SMYD3: variants seen among roughly 807,000 people sequenced by gnomAD.
SMYD3 encodes the protein histone-lysine N-methyltransferase SMYD3.
In SMYD3, 36 loss-of-function variants were observed where a neutral mutation model predicts 57.7. That is an observed-to-expected ratio of 0.62 (90% CI 0.48 to 0.82). The LOEUF (loss-of-function observed/expected upper bound fraction) is 0.82. SMYD3 is among the 40% of genes least tolerant of loss of function. SMYD3 has a pLI of 0.00. For synonymous variants in SMYD3, 211 were observed against 195.0 expected (o/e 1.08, Z -0.68); for missense variants, 515 against 538.8 (o/e 0.96, Z 0.44).
chr1:245,816,917 T>C (rs1430472480), intron 10 of SMYD3, among the ~76,000 whole-genome samples: 8 of 151,412 alleles, frequency 5.3e-5, no homozygotes, highest in Non-Finnish European at 7.4e-5. Flanking sequence ...GTCTCGCTGA[T>C]TGCCAGCACA....
chr1:245,861,058 G>T (rs1358318093), intron 9 of SMYD3, among the ~76,000 whole-genome samples: 2 of 152,212 alleles, frequency 1.3e-5, no homozygotes, highest in Admixed American at 1.3e-4. Context: ...CCAGCAAGCT[G>T]GAAGGGACTA....
intron 8 of SMYD3, among the ~76,000 whole-genome samples, chr1:245,878,096 T>C (rs575732565): frequency 1.3e-5 from 2 of 152,196 alleles, no homozygotes; most frequent in South Asian, 4.2e-4. Context: ...GTCAATGGAT[T>C]TGAAATCAGG....
At chr1:246,503,653 C>T (rs544674895) in intron 1 of SMYD3, among the ~76,000 whole-genome samples, 56 of 152,210 alleles carry the variant, frequency 3.7e-4, no homozygotes, top group African/African-American at 1.3e-3. Context: ...ATGCATGCAA[C>T]GGCAGAAGGA....
intron 1 of SMYD3, among the ~76,000 whole-genome samples, chr1:246,443,735 C>T (rs534745190): frequency 2.4e-4 from 36 of 152,276 alleles, no homozygotes; most frequent in Non-Finnish European, 3.2e-4. Context: ...TTAATGATGG[C>T]ATGGATATAG....
chr1:246,112,357 T>A (rs2061258240), intron 5 of SMYD3, among the ~76,000 whole-genome samples: 1 of 152,250 alleles, frequency 6.6e-6, no homozygotes, highest in Non-Finnish European at 1.5e-5. Context: ...ATCTGTCAAT[T>A]TTGGAAGAAA....
chr1:245,801,706 A>G (rs1046876833), intron 10 of SMYD3, among the ~76,000 whole-genome samples: 10 of 133,960 alleles, frequency 7.5e-5, no homozygotes, highest in Non-Finnish European at 1.2e-4. Context: ...CACAAAGAAT[A>G]GCAGAATCAG....
intron 5 of SMYD3, chr1:246,034,573 A>G (rs1210641144): frequency 6.6e-6 from 1 of 152,336 alleles, no homozygotes; most frequent in Non-Finnish European, 1.5e-5. Context: ...CTCATATATG[A>G]AGACTCAGAG....
intron 5 of SMYD3, among the ~76,000 whole-genome samples, chr1:246,119,689 A>G (rs1353999816): frequency 6.6e-6 from 1 of 152,094 alleles, no homozygotes; most frequent in Non-Finnish European, 1.5e-5. Context: ...CTGCCATTAC[A>G]GGCATAAGCC....
At chr1:246,132,041 C>A (rs992318966) in intron 5 of SMYD3, among the ~76,000 whole-genome samples, 5 of 152,108 alleles carry the variant, frequency 3.3e-5, no homozygotes, top group African/African-American at 1.2e-4. Flanking sequence ...ATTTTTAGCA[C>A]TATCTCTAAT....
In SMYD3 at chr1:246,002,340, A is replaced by T. The variant is rs368948885; in HGVS notation, c.532-72403T>A. ...GCTGGGACTGCAGGCTCCCGCCACC[A>T]CGCCCGGCTAATTTTTTGTATTTTT... is the stretch of plus-strand genomic sequence containing the variant. On this transcript the variant is annotated intron_variant, in intron 5 of 11. Transcript: ENST00000490107. Among the ~76,000 whole-genome samples, 3 of 62,464 alleles carry T rather than the reference A, an allele frequency of 4.8e-5. 1 individual carries two copies. Among genetic ancestry groups the T allele is most frequent in the Non-Finnish European group, 1.2e-4 (3 of 24,348 alleles). The allele number at this position is 62,464 out of a possible 152,430, so 41.0% of individuals were successfully genotyped here. A position where few individuals can be genotyped will look rare whatever the true frequency, so the allele number is the denominator to read the frequency against.
chr1:246,103,902 T>A (rs1030197993), intron 5 of SMYD3, among the ~76,000 whole-genome samples: 5 of 152,188 alleles, frequency 3.3e-5, no homozygotes, highest in Non-Finnish European at 7.3e-5. Flanking sequence ...TTTGACTTTA[T>A]CCCTCTGTCA....
chr1:246,241,593 T>C (rs1349671391), intron 5 of SMYD3, among the ~76,000 whole-genome samples: 3 of 152,204 alleles, frequency 2.0e-5, no homozygotes, highest in Non-Finnish European at 4.4e-5. Flanking sequence ...GGTATCAGGA[T>C]GATGATGGCC....
intron 10 of SMYD3, among the ~76,000 whole-genome samples, chr1:245,807,161 G>A (rs1413534834): frequency 6.6e-6 from 1 of 151,972 alleles, no homozygotes; most frequent in East Asian, 1.9e-4. Flanking sequence ...TGCTGCAGGC[G>A]GGCTACAGTG....
At chr1:246,300,350 G>A (rs2064872529) in intron 5 of SMYD3, among the ~76,000 whole-genome samples, 1 of 152,144 alleles carries the variant, frequency 6.6e-6, no homozygotes, top group African/African-American at 2.4e-5. Context: ...TTGTTGTGTT[G>A]AAGGATCAAG....
intron 5 of SMYD3, among the ~76,000 whole-genome samples, chr1:245,964,360 C>G (rs2058087878): frequency 6.6e-6 from 1 of 152,158 alleles, no homozygotes; most frequent in Admixed American, 6.5e-5. Flanking sequence ...AGTATCACTC[C>G]CCAGTGATTT....
intron 5 of SMYD3, chr1:246,052,713 G>A (rs1378959694): frequency 6.6e-6 from 1 of 152,172 alleles, no homozygotes; most frequent in Non-Finnish European, 1.5e-5. Context: ...ATGGCCTTTG[G>A]AGTGACCAGA....
chr1:246,179,437 C>T (rs1281611662), intron 5 of SMYD3, among the ~76,000 whole-genome samples: 1 of 152,158 alleles, frequency 6.6e-6, no homozygotes, highest in Admixed American at 6.5e-5. Context: ...GCAAATATTG[C>T]CACCACTGAA....
chr1:246,382,214 A>C (rs1232643553), intron 1 of SMYD3, among the ~76,000 whole-genome samples: 11 of 139,310 alleles, frequency 7.9e-5, no homozygotes, highest in East Asian at 2.3e-4. Flanking sequence ...TCCAGGCCCA[A>C]CGCAGGCTCC....
intron 1 of SMYD3, among the ~76,000 whole-genome samples, chr1:246,461,916 AT>A (rs2067803445): frequency 6.6e-6 from 1 of 152,198 alleles, no homozygotes; most frequent in African/African-American, 2.4e-5. Context: ...TTCTAGAGAC[AT>A]AAAGATGAAG....
Sources: gnomAD v4.1 joint callset for allele counts (sites outside exome capture counted in the v4.1 genomes callset) on GRCh38, gnomAD v4.1.1 for gene constraint, MANE v1.5 for transcripts, NCBI Gene and HGNC (gene_info 2026-07-23, HGNC 2026-07-21) for gene names.